The following NDUFA10 variants were observed in gnomAD, a reference collection of about 807,000 sequenced individuals.
NDUFA10 encodes the protein NADH dehydrogenase [ubiquinone] 1 alpha subcomplex subunit 10, mitochondrial.
A neutral mutation model predicts 47.8 loss-of-function variants in NDUFA10; 40 were observed. The observed-to-expected ratio is 0.84, with a 90% CI of 0.65 to 1.09. The LOEUF (loss-of-function observed/expected upper bound fraction) is 1.09. Ranked by LOEUF, NDUFA10 falls within the 50% of genes least tolerant of loss-of-function variation. The pLI, the probability that NDUFA10 is intolerant of heterozygous loss-of-function variation, is 0.00. For synonymous variants in NDUFA10, 183 were observed against 172.2 expected (o/e 1.06, Z -0.49); for missense variants, 413 against 451.1 (o/e 0.92, Z 0.76).
intron 4 of NDUFA10, among the ~76,000 whole-genome samples, chr2:239,924,280 TAC>T (rs1694035530): frequency 6.6e-6 from 1 of 152,050 alleles, no homozygotes; most frequent in South Asian, 2.1e-4. Flanking sequence ...TGAACTTAGA[TAC>T]AAACATCCCC....
chr2:240,015,200 A>C (rs1408118237), intron 4 of NDUFA10, among the ~76,000 whole-genome samples: 1 of 152,260 alleles, frequency 6.6e-6, no homozygotes, highest in Non-Finnish European at 1.5e-5. Flanking sequence ...CTGTGACCTT[A>C]ATCATCCTAA....
At position 239,977,331 on chromosome 2, in the gene NDUFA10, G is replaced by A. The variant is rs115134915; in HGVS notation, c.999+12743C>T. ...CTGCCACTGCTCCTGCCAGCGTCCC[G>A]CCACTGTCCCTGAGTATGGCGTGCT... On this transcript the variant is annotated intron_variant, in intron 9 of 9. Coordinates refer to ENST00000252711, the MANE Select transcript of NDUFA10 (RefSeq NM_004544.4). Among the ~76,000 whole-genome samples the A allele has an allele frequency of 9.8e-3, 1,493 of 152,260 alleles. 23 individuals carry two copies. Among genetic ancestry groups the A allele is most frequent in the African/African-American group, 0.034 (1,411 of 41,546 alleles).
At position 239,980,470 on chromosome 2, in the gene NDUFA10, A is replaced by G. The variant is rs552669185; in HGVS notation, c.999+9604T>C. 4.9e-4 allele frequency among the ~76,000 whole-genome samples: 74 copies of G among 152,314 alleles called. 1 individual carries two copies. The highest frequency in any genetic ancestry group is 2.9e-3 in the Admixed American group (45 of 15,296). ...GCCTTCGGGGTTGGGGATTTAATCAATTCTGCATTCTGGGGGACTGTTCAT... is the reference window on the plus strand; with the variant it reads ...GCCTTCGGGGTTGGGGATTTAATCAGTTCTGCATTCTGGGGGACTGTTCAT... On this transcript the variant is annotated intron_variant, in intron 9 of 9. Coordinates refer to ENST00000252711, the MANE Select transcript of NDUFA10 (RefSeq NM_004544.4).
intron 4 of NDUFA10, among the ~76,000 whole-genome samples, chr2:239,914,957 A>G (rs1233492805): frequency 1.3e-5 from 2 of 149,982 alleles, no homozygotes; most frequent in Non-Finnish European, 2.9e-5. Flanking sequence ...ATATATAAAC[A>G]TACACACAGA....
chr2:239,963,153 A>G (rs6738667), intron 9 of NDUFA10, among the ~76,000 whole-genome samples: 69,109 of 151,756 alleles, frequency 0.46, 16,002 homozygotes, highest in African/African-American at 0.53. Flanking sequence ...GGACACACAC[A>G]AAAAAAGAAA....
At position 239,982,229 on chromosome 2, in the gene NDUFA10, T is replaced by G. The variant is rs766642611; in HGVS notation, c.999+7845A>C. Reference sequence around the variant, plus strand: ...GGTAGGGGATCCCCAGCTACAAGGTTAGACGAAACAATTCTGTTCACCTCG... The same window carrying G: ...GGTAGGGGATCCCCAGCTACAAGGTGAGACGAAACAATTCTGTTCACCTCG... On this transcript the variant is annotated intron_variant, in intron 9 of 9. Coordinates refer to ENST00000252711, the MANE Select transcript of NDUFA10 (RefSeq NM_004544.4). 2.5e-6 allele frequency: 4 copies of G among 1,612,800 alleles called. No individual in the cohort carries two copies. In the South Asian group the frequency reaches 4.4e-5, roughly 18 times the overall value.
At chr2:239,938,169 C>A (rs1425548924) in intron 4 of NDUFA10, among the ~76,000 whole-genome samples, 1 of 152,206 alleles carries the variant, frequency 6.6e-6, no homozygotes, top group Admixed American at 6.5e-5. Flanking sequence ...GCTCCCCCAT[C>A]TGTCAGGGCC....
At chr2:239,955,822 A>G (rs10933617), downstream of NDUFA10, among the ~76,000 whole-genome samples, 117,138 of 152,072 alleles carry the variant, frequency 0.77, 45,485 homozygotes, top group African/African-American at 0.87. Flanking sequence ...GGACCCTGAT[A>G]CTACCTCACC....
intron 9 of NDUFA10, among the ~76,000 whole-genome samples, chr2:239,972,034 T>C (rs1695323328): frequency 6.6e-6 from 1 of 152,168 alleles, no homozygotes; most frequent in Admixed American, 6.5e-5. Context: ...TCCTTTCGTA[T>C]GTAACTCAAA....
chr2:239,906,266 T>C lies in NDUFA10; in HGVS notation c.295-10952A>G, dbSNP rs114932416. Among the ~76,000 whole-genome samples, 685 of 152,334 alleles carry C rather than the reference T, an allele frequency of 4.5e-3. 6 individuals are homozygous for C. The highest frequency in any genetic ancestry group is 0.016 in the African/African-American group (660 of 41,566). On this transcript the variant is annotated intron_variant, in intron 4 of 5. Transcript: ENST00000419408. This position sits in a 1 kb window ranked among gnomAD's most constrained non-coding sequence, Gnocchi z 4.3. ...TATAATTAAAAGTCATTTAATCATC[T>C]ACTGTTCAAGCTCTTAGCAAAACTG...
At chr2:239,988,906 C>T (rs528879573) in intron 9 of NDUFA10, among the ~76,000 whole-genome samples, 1 of 149,614 alleles carries the variant, frequency 6.7e-6, no homozygotes, top group East Asian at 2.0e-4. Context: ...AGACACAGCA[C>T]ACACACTCAC....
At chr2:239,897,684 C>G (rs531675263) in intron 4 of NDUFA10, among the ~76,000 whole-genome samples, 1 of 152,296 alleles carries the variant, frequency 6.6e-6, no homozygotes, top group Non-Finnish European at 1.5e-5. Context: ...CTGGGCCCTC[C>G]TCCTCCTCCT....
At chr2:240,007,189 C>T in intron 7 of NDUFA10, 127 bp downstream of exon 7, 1 of 754,426 alleles carries the variant, frequency 1.3e-6, no homozygotes, top group Non-Finnish European at 2.3e-6. Context: ...ACTGGCACTG[C>T]TTTCAGGTGA....
At chr2:240,014,683 G>A in intron 5 of NDUFA10, 56 bp downstream of exon 5, 3 of 1,612,284 alleles carry the variant, frequency 1.9e-6, no homozygotes, top group Non-Finnish European at 2.5e-6. Flanking sequence ...AGGGCTTTTA[G>A]TGCTGATCTA....
intron 7 of NDUFA10, among the ~76,000 whole-genome samples, chr2:240,005,827 A>T (rs913789820): frequency 2.0e-5 from 3 of 152,214 alleles, no homozygotes; most frequent in Admixed American, 6.5e-5. Flanking sequence ...AGTAGGACAG[A>T]CATTACCCTG....
At chr2:239,997,583 T>A (rs1285900286) in intron 8 of NDUFA10, among the ~76,000 whole-genome samples, 1 of 152,224 alleles carries the variant, frequency 6.6e-6, no homozygotes, top group Non-Finnish European at 1.5e-5. Context: ...GTTCATATAC[T>A]CTGACCACTT....
At chr2:239,929,801 G>GA (rs1559289754) in intron 4 of NDUFA10, among the ~76,000 whole-genome samples, 19 of 138,072 alleles carry the variant, frequency 1.4e-4, no homozygotes, top group Non-Finnish European at 3.1e-5. Flanking sequence ...CTCCTCCACT[G>GA]CCCCTGCTCC....
At chr2:240,008,204 C>T (rs1279398675) in intron 6 of NDUFA10, among the ~76,000 whole-genome samples, 2 of 152,198 alleles carry the variant, frequency 1.3e-5, no homozygotes, top group African/African-American at 4.8e-5. Context: ...CTCAGTAACA[C>T]ATCTGTTCCA....
chr2:239,967,616 G>A (rs1183060419), intron 9 of NDUFA10, among the ~76,000 whole-genome samples: 1 of 152,206 alleles, frequency 6.6e-6, no homozygotes, highest in African/African-American at 2.4e-5. Context: ...AGTGCCCACA[G>A]GTACGAGGTC....
Sources: allele counts gnomAD v4.1 joint callset (sites outside exome capture counted in the v4.1 genomes callset), GRCh38; gene constraint gnomAD v4.1.1; non-coding constraint Gnocchi (gnomAD v3.1); transcripts MANE v1.5; gene names NCBI Gene and HGNC (gene_info 2026-07-23, HGNC 2026-07-21).